Variants in GPD2 observed in about 807,000 individuals in gnomAD.
GPD2 encodes glycerol-3-phosphate dehydrogenase 2.
GPD2 carries 54 observed loss-of-function variants against 82.4 expected under a neutral mutation model. The ratio of observed to expected loss-of-function variants is 0.66; its 90% CI spans 0.53 to 0.82. GPD2 has a LOEUF of 0.82. Among genes scored for constraint, GPD2 ranks in the 40% least tolerant of loss-of-function variants. The pLI is 0.00. For missense variants in GPD2, 748 were observed against 896.2 expected (o/e 0.83, Z 2.11); for synonymous variants, 288 against 306.1 (o/e 0.94, Z 0.62).
At chr2:156,456,013 A>G (rs953381841) in intron 1 of GPD2, among the ~76,000 whole-genome samples, 1 of 152,186 alleles carries the variant, frequency 6.6e-6, no homozygotes, top group Non-Finnish European at 1.5e-5. Context: ...GCAGAAAAAA[A>G]CTGATGTCCA....
chr2:156,457,069 T>C (rs751730987), intron 1 of GPD2, among the ~76,000 whole-genome samples: 15 of 152,208 alleles, frequency 9.9e-5, no homozygotes, highest in Middle Eastern at 3.4e-3. Context: ...CTTGATTTCT[T>C]TAAAAAAAAA....
chr2:156,541,446 A>T (rs969150379), intron 6 of GPD2, among the ~76,000 whole-genome samples: 1 of 152,092 alleles, frequency 6.6e-6, no homozygotes, highest in African/African-American at 2.4e-5. Flanking sequence ...ATCTCTTTCA[A>T]TTTCTGTTCC....
chr2:156,502,636 G>A (rs1049119004), intron 3 of GPD2, among the ~76,000 whole-genome samples: 2 of 152,110 alleles, frequency 1.3e-5, no homozygotes, highest in Non-Finnish European at 2.9e-5. Flanking sequence ...TGCATTGCCA[G>A]GCTGGTCTAG....
At chr2:156,564,308 C>T (rs1687285045) in intron 9 of GPD2, among the ~76,000 whole-genome samples, 1 of 152,130 alleles carries the variant, frequency 6.6e-6, no homozygotes, top group African/African-American at 2.4e-5. Flanking sequence ...GCAACAGCAG[C>T]ATGCAGAATT....
chr2:156,400,828 C>T, the GPD2 span, among the ~76,000 whole-genome samples: 1 of 152,116 alleles, frequency 6.6e-6, no homozygotes, highest in East Asian at 1.9e-4. Context: ...GGGTTCAATC[C>T]CCGGCATCTC....
rs142481863 is a variant in GPD2, at chr2:156,463,543, T to G, written c.-8-12555T>G. Among the ~76,000 whole-genome samples the G allele has an allele frequency of 1.2e-4, 19 of 152,346 alleles. No homozygotes were observed. In the East Asian group the frequency reaches 3.7e-3, roughly 29 times the overall value. ...AGAAAAACCATAAAGTAATAAACTT[T>G]TAAAGTTAAAATAGCTTTGGACATT... On this transcript the variant is annotated intron_variant, in intron 1 of 16. Transcript: ENST00000438166.
chr2:156,521,109 TAATGCA>T (rs1378893346), intron 6 of GPD2, among the ~76,000 whole-genome samples: 1 of 152,166 alleles, frequency 6.6e-6, no homozygotes, highest in Non-Finnish European at 1.5e-5. Context: ...AAAAGGGAAG[TAATGCA>T]AATATCCATC....
Position 156,570,221 on chromosome 2 carries a change from A to T in GPD2, c.1608+3A>T, listed in dbSNP as rs774759044. The T allele has an allele frequency of 1.9e-6, 3 of 1,611,552 alleles. No homozygotes were observed. Among genetic ancestry groups the T allele is most frequent in the Non-Finnish European group, 2.5e-6 (3 of 1,177,888 alleles). On this transcript the variant is annotated splice_donor_region_variant and intron_variant, in intron 12 of 16. Transcript: ENST00000438166. ...AATTTCCATATATTGAAGCAGAGGT[A>T]TGTGAATGGTCACATAGGAATTTCA...
intron 6 of GPD2, among the ~76,000 whole-genome samples, chr2:156,548,192 C>T (rs1686621862): frequency 6.6e-6 from 1 of 152,218 alleles, no homozygotes; most frequent in Admixed American, 6.5e-5. Context: ...AAATGTATTC[C>T]AATTTTAAGC....
the GPD2 span, among the ~76,000 whole-genome samples, chr2:156,400,788 A>G: frequency 1.4e-4 from 22 of 152,238 alleles, no homozygotes; most frequent in Admixed American, 1.3e-3. Flanking sequence ...GCTCAGTGGT[A>G]GAGCGCGCGC....
At chr2:156,490,398 A>AC (rs1307603670) in intron 2 of GPD2, among the ~76,000 whole-genome samples, 7 of 151,862 alleles carry the variant, frequency 4.6e-5, no homozygotes, top group Non-Finnish European at 8.8e-5. Flanking sequence ...AAAAAAAAAA[A>AC]AAACAAAAAT....
chr2:156,465,621 G>A (rs298256), intron 1 of GPD2, among the ~76,000 whole-genome samples: 139,803 of 152,132 alleles, frequency 0.92, 65,395 homozygotes, highest in East Asian at 1. Context: ...GGGTTTCTCT[G>A]AGTCTGGGAT....
At chr2:156,459,132 G>A (rs1682890506) in intron 1 of GPD2, among the ~76,000 whole-genome samples, 1 of 152,170 alleles carries the variant, frequency 6.6e-6, no homozygotes, top group South Asian at 2.1e-4. Context: ...ACTCAGAAAG[G>A]ATTAATTCCT....
intron 1 of GPD2, among the ~76,000 whole-genome samples, chr2:156,438,416 T>TTAACTACATTTTCA (rs1236429443): frequency 3.9e-5 from 6 of 152,156 alleles, no homozygotes; most frequent in Admixed American, 2.6e-4. Context: ...GCAAAGAATG[T>TTAACTACATTTTCA]AGTTAGCTTG....
intron 6 of GPD2, among the ~76,000 whole-genome samples, chr2:156,536,769 G>C (rs1295957917): frequency 6.6e-6 from 1 of 152,164 alleles, no homozygotes; most frequent in Non-Finnish European, 1.5e-5. Context: ...CTGCTGACTA[G>C]GCAATCTTAA....
chr2:156,427,304 G>T, the GPD2 span, among the ~76,000 whole-genome samples: 1 of 152,184 alleles, frequency 6.6e-6, no homozygotes, highest in African/African-American at 2.4e-5. Flanking sequence ...GTCTGCCTCG[G>T]ACCCCACATT....
At position 156,463,580 on chromosome 2, in the gene GPD2, C is replaced by T. The variant is rs190966917; in HGVS notation, c.-8-12518C>T. On this transcript the variant is annotated intron_variant, in intron 1 of 16. Coordinates refer to ENST00000438166, the MANE Select transcript of GPD2 (RefSeq NM_000408.5). ...TAGCTTTGGACATTTTGAAGGCTAG[C>T]TCATATATAGTTGGAGTGAGGATCA... Among the ~76,000 whole-genome samples, 64 of 152,206 alleles carry T rather than the reference C, an allele frequency of 4.2e-4. 2 individuals are homozygous for T. The highest frequency in any genetic ancestry group is 4.1e-3 in the Admixed American group (63 of 15,290).
chr2:156,569,602 A>G, intron 11 of GPD2, 64 bp downstream of exon 11: 1 of 1,218,178 alleles, frequency 8.2e-7, no homozygotes, highest in Non-Finnish European at 1.2e-6. Context: ...CAGTGACAGA[A>G]CTGGCAGCAA....
At chr2:156,546,087 C>T (rs1430423198) in intron 6 of GPD2, among the ~76,000 whole-genome samples, 1 of 152,158 alleles carries the variant, frequency 6.6e-6, no homozygotes, top group Admixed American at 6.5e-5. Flanking sequence ...TGTGTGCTTC[C>T]TCTCCTATGA....
Sources: gnomAD v4.1 joint callset for allele counts (sites outside exome capture counted in the v4.1 genomes callset) on GRCh38, gnomAD v4.1.1 for gene constraint, MANE v1.5 for transcripts, NCBI Gene and HGNC (gene_info 2026-07-23, HGNC 2026-07-21) for gene names.